Variants in LARGE1 observed in about 807,000 individuals in gnomAD.
The protein encoded by LARGE1 is xylosyl- and glucuronyltransferase LARGE1.
Under a neutral mutation model 87.6 loss-of-function variants are expected in LARGE1, and 43 were observed. The ratio of observed to expected loss-of-function variants is 0.49; its 90% CI spans 0.38 to 0.63. LARGE1 has a LOEUF of 0.63. Ranked by LOEUF, LARGE1 falls within the 30% of genes least tolerant of loss-of-function variation. The probability of loss-of-function intolerance (pLI) is 0.00; values close to 1 mark genes in which losing one functional copy is unlikely to be tolerated. For synonymous variants in LARGE1, 434 were observed against 394.6 expected, an observed-to-expected ratio of 1.10 and a Z score of -1.18; for missense variants, 802 against 1,000.2, an observed-to-expected ratio of 0.80 and a Z score of 2.67.
intron 6 of LARGE1, among the ~76,000 whole-genome samples, chr22:33,558,400 G>T (rs1206082884): frequency 6.6e-6 from 1 of 152,210 alleles, no homozygotes; most frequent in Non-Finnish European, 1.5e-5. Context: ...CAGGAGAGAG[G>T]AGGAAGGAAA....
chr22:33,359,074 C>A (rs1016312201), intron 9 of LARGE1, among the ~76,000 whole-genome samples: 4 of 151,948 alleles, frequency 2.6e-5, no homozygotes, highest in African/African-American at 7.3e-5. Context: ...AGTTAACCCT[C>A]TAAAACCCAC....
At chr22:33,123,847 G>A in the LARGE1 span, among the ~76,000 whole-genome samples, 1 of 152,226 alleles carries the variant, frequency 6.6e-6, no homozygotes, top group Admixed American at 6.5e-5. Flanking sequence ...GGAACTGGGT[G>A]AAGGCCTGCC....
At chr22:33,282,440 G>A (rs183578528) in intron 13 of LARGE1, among the ~76,000 whole-genome samples, 3 of 152,288 alleles carry the variant, frequency 2.0e-5, no homozygotes, top group Admixed American at 2.0e-4. Context: ...GCTCAGTTAC[G>A]GCACCTAGCA....
At chr22:33,318,439 C>G (rs1429119886) in intron 10 of LARGE1, among the ~76,000 whole-genome samples, 1 of 152,124 alleles carries the variant, frequency 6.6e-6, no homozygotes, top group Admixed American at 6.5e-5. Context: ...AGGACATGAA[C>G]TCATCATTTT....
intron 12 of LARGE1, among the ~76,000 whole-genome samples, chr22:33,299,914 ACT>A (rs1933912470): frequency 6.6e-6 from 1 of 151,796 alleles, no homozygotes; most frequent in Admixed American, 6.6e-5. Context: ...TTTTAGTAAA[ACT>A]CTGCAGCTAT....
chr22:33,407,020 T>G (rs1485227637), intron 7 of LARGE1, among the ~76,000 whole-genome samples: 1 of 152,114 alleles, frequency 6.6e-6, no homozygotes, highest in East Asian at 1.9e-4. Context: ...TTTGAACTCT[T>G]GACCTCAGGT....
chr22:33,260,408 G>A (rs912798421), intron 11 of LARGE1, among the ~76,000 whole-genome samples: 15 of 152,248 alleles, frequency 9.9e-5, no homozygotes, highest in African/African-American at 3.6e-4. Flanking sequence ...CCTGGCATGT[G>A]CTAGCTGGAA....
intron 6 of LARGE1, among the ~76,000 whole-genome samples, chr22:33,534,964 A>G (rs1047444014): frequency 2.6e-5 from 4 of 152,170 alleles, no homozygotes; most frequent in African/African-American, 4.8e-5. Flanking sequence ...GTAATAACTT[A>G]ATACGACTTT....
intron 1 of LARGE1, among the ~76,000 whole-genome samples, chr22:33,778,664 T>A (rs1382780637): frequency 6.6e-6 from 1 of 152,146 alleles, no homozygotes; most frequent in Non-Finnish European, 1.5e-5. Context: ...ATCCTTTTTT[T>A]TTTGGAGAAA....
the LARGE1 span, among the ~76,000 whole-genome samples, chr22:33,155,162 A>C: frequency 6.6e-6 from 1 of 152,232 alleles, no homozygotes; most frequent in Non-Finnish European, 1.5e-5. Context: ...ACAGTAAATT[A>C]GTACCAAGAG....
At chr22:33,068,651 A>G in the LARGE1 span, among the ~76,000 whole-genome samples, 2 of 152,158 alleles carry the variant, frequency 1.3e-5, no homozygotes, top group African/African-American at 4.8e-5. Flanking sequence ...TCTCAAAAAA[A>G]TAAATAAATA....
intron 2 of LARGE1, among the ~76,000 whole-genome samples, chr22:33,717,676 C>G (rs2082953282): frequency 6.6e-6 from 1 of 152,198 alleles, no homozygotes; most frequent in Admixed American, 6.5e-5. Flanking sequence ...CAATCCCAAG[C>G]ACTAACGAAT....
At position 33,309,239 on chromosome 22, in the gene LARGE1, T is replaced by C. The variant is rs576657282; in HGVS notation, c.1452-4732A>G. ...TGGAGTGCAGTGGTGCGATCTCAGC[T>C]CACTGCAACCTCCACCTCCCAGGTT... On this transcript the variant is annotated intron_variant, in intron 11 of 14. Coordinates refer to ENST00000397394, the MANE Select transcript of LARGE1 (RefSeq NM_133642.5). 1.8e-3 allele frequency among the ~76,000 whole-genome samples: 267 copies of C among 151,884 alleles called. 2 individuals are homozygous for C. The highest frequency in any genetic ancestry group is 5.9e-3 in the African/African-American group (243 of 41,378).
chr22:33,475,486 G>C (rs2069037562), intron 6 of LARGE1, among the ~76,000 whole-genome samples: 1 of 145,474 alleles, frequency 6.9e-6, no homozygotes, highest in Non-Finnish European at 1.5e-5. Flanking sequence ...TTTGAGATGG[G>C]GTTTCGCTCT....
intron 1 of LARGE1, among the ~76,000 whole-genome samples, chr22:33,915,100 C>T (rs900426669): frequency 6.6e-6 from 1 of 151,120 alleles, no homozygotes; most frequent in African/African-American, 2.4e-5. Flanking sequence ...CTTCTGGCTG[C>T]TGTTTCTAAA....
At chr22:33,615,671 CAAA>C (rs3072281) in intron 4 of LARGE1, among the ~76,000 whole-genome samples, 167 of 134,544 alleles carry the variant, frequency 1.2e-3, no homozygotes, top group Admixed American at 1.7e-3. Context: ...TAAGGAAAAA[CAAA>C]AAAAAAAAAA....
intron 9 of LARGE1, among the ~76,000 whole-genome samples, chr22:33,349,232 A>T (rs1288761591): frequency 2.0e-5 from 3 of 152,204 alleles, no homozygotes; most frequent in Non-Finnish European, 4.4e-5. Context: ...TCCAGCTTGT[A>T]GATGGCAGAT....
At chr22:33,485,700 C>T (rs1271173988) in intron 6 of LARGE1, among the ~76,000 whole-genome samples, 1 of 152,044 alleles carries the variant, frequency 6.6e-6, no homozygotes, top group Non-Finnish European at 1.5e-5. Flanking sequence ...GTTAGATCAT[C>T]CCCCAAATTC....
intron 6 of LARGE1, among the ~76,000 whole-genome samples, chr22:33,541,565 T>C (rs1332897471): frequency 6.6e-6 from 1 of 152,200 alleles, no homozygotes; most frequent in Non-Finnish European, 1.5e-5. Context: ...TGGATCAGTC[T>C]GGAGAACCTT....
Sources: allele counts gnomAD v4.1 joint callset (sites outside exome capture counted in the v4.1 genomes callset), GRCh38; gene constraint gnomAD v4.1.1; transcripts MANE v1.5; gene names NCBI Gene and HGNC (gene_info 2026-07-23, HGNC 2026-07-21).